Variants in PLEKHA4 observed in about 807,000 individuals in gnomAD.
PLEKHA4 encodes pleckstrin homology domain-containing family A member 4.
In PLEKHA4, 73 loss-of-function variants were observed where a neutral mutation model predicts 94.7. The observed-to-expected ratio is 0.77, with a 90% CI of 0.64 to 0.94. The LOEUF (loss-of-function observed/expected upper bound fraction) is 0.94. PLEKHA4 is among the 40% of genes least tolerant of loss of function. PLEKHA4 has a pLI of 0.00. For synonymous variants in PLEKHA4, 449 were observed against 437.1 expected (o/e 1.03, Z -0.34); for missense variants, 1,049 against 1,054.1 (o/e 1.00, Z 0.07).
At chr19:48,853,914 G>C (rs1448699602) in intron 11 of PLEKHA4, 83 bp from the exon 12 acceptor site, 1 of 1,595,890 alleles carries the variant, frequency 6.3e-7, no homozygotes, top group Non-Finnish European at 8.5e-7. Flanking sequence ...TCACGTCCTG[G>C]ACGTCCAGTC....
At chr19:48,854,562 T>C (rs968426258) in intron 9 of PLEKHA4, among the ~76,000 whole-genome samples, 1 of 152,010 alleles carries the variant, frequency 6.6e-6, no homozygotes, top group African/African-American at 2.4e-5. Flanking sequence ...TTTTTGTTGC[T>C]GTTGGTTTTG....
Position 48,837,690 on chromosome 19 carries a change from C to T in PLEKHA4, c.2078-139G>A. 9.4e-7 allele frequency: 1 copy of T among 1,068,008 alleles called. No individual in the cohort carries two copies. The highest frequency in any genetic ancestry group is 1.4e-6 in the Non-Finnish European group (1 of 726,848). 66.2% of individuals were successfully genotyped at this position (1,068,008 alleles called of 1,614,324 possible). ...GACCCAGGAGTCCAGGCCCCCAGCC[C>T]CTCCTCCCTCAGACCCAGGAGTCCA... On this transcript the variant is annotated intron_variant, in intron 19 of 19. Coordinates refer to ENST00000263265, the MANE Select transcript of PLEKHA4 (RefSeq NM_020904.3). This position sits in a 1 kb window ranked among gnomAD's most constrained non-coding sequence, Gnocchi z 4.3.
At chr19:48,860,268 C>G in intron 6 of PLEKHA4, 82 bp downstream of exon 6, 1 of 1,202,742 alleles carries the variant, frequency 8.3e-7, no homozygotes. Flanking sequence ...CTCAAGGGGG[C>G]AGGGCCCCAA....
At chr19:48,854,496 G>A (rs577401223) in intron 9 of PLEKHA4, among the ~76,000 whole-genome samples, 1 of 151,854 alleles carries the variant, frequency 6.6e-6, no homozygotes, top group East Asian at 1.9e-4. Context: ...AGTCTCCTGA[G>A]TAGCTGGGAC....
In PLEKHA4 at chr19:48,845,480, G is replaced by A. The variant is rs745996296; in HGVS notation, c.1667-34C>T. On this transcript the variant is annotated intron_variant, in intron 15 of 19. Coordinates refer to ENST00000263265, the MANE Select transcript of PLEKHA4 (RefSeq NM_020904.3). ...ACAGAACGGGACTTGGTGAGGACGG[G>A]AATTTCCGTAAAGTCCCACCCAACC... 28 of 1,613,668 alleles carry A rather than the reference G, an allele frequency of 1.7e-5. No individual in the cohort carries two copies. In the Admixed American group the frequency reaches 4.5e-4, roughly 26 times the overall value.
chr19:48,860,066 A>C, intron 6 of PLEKHA4: 1 of 565,906 alleles, frequency 1.8e-6, no homozygotes, highest in Non-Finnish European at 3.1e-6. Flanking sequence ...GAAGGAGCCA[A>C]TCAGAGAGTG....
intron 14 of PLEKHA4, 124 bp from the exon 15 acceptor site, chr19:48,845,740 C>T (rs553582423): frequency 4.4e-5 from 34 of 777,472 alleles, no homozygotes; most frequent in African/African-American, 1.9e-4. Context: ...CCAGGCCGGG[C>T]GCAGTGGCTC....
At chr19:48,845,966 G>A (rs1200094962) in intron 14 of PLEKHA4, among the ~76,000 whole-genome samples, 5 of 143,078 alleles carry the variant, frequency 3.5e-5, no homozygotes, top group South Asian at 2.2e-4. Context: ...AGCCGAGATC[G>A]CACCACTGCA....
chr19:48,865,259 G>A (rs1031691130), intron 3 of PLEKHA4, among the ~76,000 whole-genome samples: 4 of 152,106 alleles, frequency 2.6e-5, no homozygotes, highest in African/African-American at 9.7e-5. Context: ...CACGAGAATT[G>A]CTTGAACTGG....
At position 48,867,495 on chromosome 19, in the gene PLEKHA4, A is replaced by G; in HGVS notation, c.84+42T>C. The G allele has an allele frequency of 2.6e-6, 4 of 1,557,338 alleles. No homozygotes were observed. Among genetic ancestry groups the G allele is most frequent in the Non-Finnish European group, 2.6e-6 (3 of 1,150,064 alleles). On this transcript the variant is annotated intron_variant, in intron 2 of 19. Coordinates refer to ENST00000263265, the MANE Select transcript of PLEKHA4 (RefSeq NM_020904.3). The surrounding 1 kb of genome is among the most constrained non-coding windows in gnomAD (Gnocchi z 4.7). The stretch of plus-strand genomic sequence containing the variant: ...GGGGAAACAGAAGGATGGGCGGCCC[A>G]GAGCCCCACCTTCCTCCCCATCCCC...
At chr19:48,845,346 T>A (rs755781172) in intron 16 of PLEKHA4, 24 bp downstream of exon 16, 4 of 1,607,676 alleles carry the variant, frequency 2.5e-6, no homozygotes, top group East Asian at 4.5e-5. Flanking sequence ...GATGCAAGGA[T>A]TACAGGATGG....
At position 48,859,522 on chromosome 19, in the gene PLEKHA4, G is replaced by C; in HGVS notation, c.639C>G (p.Ser213Arg). ...GRGRPRLLTP[S>R]PTTDLHSGLQ... ...GTCCAGAGTGGAGGTCGGTTGTGGG[G>C]CTGGGAGTGAGCAGCCTGGGTCTAC... The change falls in exon 7 of 20, where the codon AGC becomes AGG. Residue 213 changes from serine (S) to arginine (R), a missense_variant. Transcript: ENST00000263265. The C allele has an allele frequency of 6.2e-7, 1 of 1,614,010 alleles. No homozygotes were observed. Among genetic ancestry groups the C allele is most frequent in the African/African-American group, 1.3e-5 (1 of 75,042 alleles).
rs1353292861 is a variant in PLEKHA4, at chr19:48,867,683, T to C, written c.-6-57A>G. 30 of 1,490,856 alleles carry C rather than the reference T, an allele frequency of 2.0e-5. No individual in the cohort carries two copies. The highest frequency in any genetic ancestry group is 2.6e-5 in the Non-Finnish European group (28 of 1,095,782). 92.4% of individuals were successfully genotyped at this position (1,490,856 alleles called of 1,614,324 possible). A position where few individuals can be genotyped will look rare whatever the true frequency, so the allele number is the denominator to read the frequency against. ...TGCAGTGACGGGTGTGAGACAGAGA[T>C]GGGGTCAGGGGCTTGGAGGTCGGAG... On this transcript the variant is annotated intron_variant, in intron 1 of 19. Transcript: ENST00000263265. The surrounding 1 kb of genome is among the most constrained non-coding windows in gnomAD (Gnocchi z 4.7).
chr19:48,856,486 G>A (rs868843968), intron 9 of PLEKHA4, among the ~76,000 whole-genome samples: 5 of 152,010 alleles, frequency 3.3e-5, no homozygotes, highest in Admixed American at 2.0e-4. Flanking sequence ...TTGGGAGGCC[G>A]AGGCGGGAGG....
chr19:48,859,361 C>T, intron 7 of PLEKHA4, 108 bp downstream of exon 7: 1 of 1,232,532 alleles, frequency 8.1e-7, no homozygotes, highest in South Asian at 1.3e-5. Context: ...ACGGGAGCCC[C>T]AGCAAGTCAC....
chr19:48,838,395 T>A, intron 18 of PLEKHA4: 1 of 215,530 alleles, frequency 4.6e-6, no homozygotes, highest in East Asian at 9.0e-5. Context: ...CCTGCCTGTA[T>A]CAAAACATCT....
intron 16 of PLEKHA4, chr19:48,844,356 T>C: frequency 3.5e-6 from 2 of 574,618 alleles, no homozygotes; most frequent in South Asian, 1.6e-4. Context: ...GTTTTCACCA[T>C]GTTGGTCAAT....
At chr19:48,858,627 C>CAAAAAAAAAAAA (rs56663437) in intron 8 of PLEKHA4, among the ~76,000 whole-genome samples, 25 of 63,416 alleles carry the variant, frequency 3.9e-4, no homozygotes, top group African/African-American at 1.1e-3. Context: ...ACCTCAGTCT[C>CAAAAAAAAAAAA]AAAAAAAAAA....
In PLEKHA4 at chr19:48,867,401, A is replaced by G. The variant is rs1002179989; in HGVS notation, c.84+136T>C. ...AATTCCTAGCTGCGGTGTGTAGGCA[A>G]TTTGGGACCTTACTATGTCTGGCAG... On this transcript the variant is annotated intron_variant, in intron 2 of 19. Coordinates refer to ENST00000263265, the MANE Select transcript of PLEKHA4 (RefSeq NM_020904.3). The surrounding 1 kb of genome is among the most constrained non-coding windows in gnomAD (Gnocchi z 4.7). 1.0e-6 allele frequency: 1 copy of G among 978,548 alleles called. No individual in the cohort carries two copies. Among genetic ancestry groups the G allele is most frequent in the Non-Finnish European group, 1.5e-6 (1 of 665,492 alleles). The allele number at this position is 978,548 out of a possible 1,614,324, so 60.6% of individuals were successfully genotyped here. A position where few individuals can be genotyped will look rare whatever the true frequency, so the allele number is the denominator to read the frequency against.
Sources: allele counts gnomAD v4.1 joint callset (sites outside exome capture counted in the v4.1 genomes callset), GRCh38; gene constraint gnomAD v4.1.1; non-coding constraint Gnocchi (gnomAD v3.1); transcripts MANE v1.5; gene names NCBI Gene and HGNC (gene_info 2026-07-23, HGNC 2026-07-21).